The following DIP2C variants were observed in gnomAD, a reference collection of about 807,000 sequenced individuals.
DIP2C encodes the protein DIP2 acetate--CoA ligase C (putative).
Under a neutral mutation model 192.4 loss-of-function variants are expected in DIP2C, and 33 were observed. The ratio of observed to expected loss-of-function variants is 0.17; its 90% CI spans 0.13 to 0.23. The LOEUF (loss-of-function observed/expected upper bound fraction) is 0.23. Among genes scored for constraint, DIP2C ranks in the 10% least tolerant of loss-of-function variants. DIP2C has a pLI of 1.00. For synonymous variants in DIP2C, 979 were observed against 864.1 expected, an observed-to-expected ratio of 1.13 and a Z score of -2.33; for missense variants, 1,537 against 2,110.1, an observed-to-expected ratio of 0.73 and a Z score of 5.32.
intron 1 of DIP2C, among the ~76,000 whole-genome samples, chr10:607,439 T>C (rs1178325136): frequency 6.6e-6 from 1 of 152,110 alleles, no homozygotes; most frequent in Admixed American, 6.5e-5. Flanking sequence ...CACTTGATTT[T>C]TTTCATTGTA....
At chr10:357,722 A>T in intron 23 of DIP2C, 106 bp downstream of exon 23, 7 of 802,704 alleles carry the variant, frequency 8.7e-6, no homozygotes, top group Non-Finnish European at 1.0e-5. Flanking sequence ...GCGGACTGTC[A>T]GGGAAGGTAG....
intron 1 of DIP2C, among the ~76,000 whole-genome samples, chr10:549,660 G>GCC (rs530871936): frequency 6.6e-6 from 1 of 151,478 alleles, no homozygotes; most frequent in African/African-American, 2.4e-5. Flanking sequence ...AGAGCGGAGG[G>GCC]CCCCCCCCGA....
chr10:543,767 C>A (rs372346788), intron 1 of DIP2C, among the ~76,000 whole-genome samples: 26 of 152,334 alleles, frequency 1.7e-4, no homozygotes, highest in African/African-American at 5.8e-4. Context: ...CATTTACAAA[C>A]CATAAAATCC....
intron 1 of DIP2C, among the ~76,000 whole-genome samples, chr10:511,311 G>A (rs912517240): frequency 1.3e-5 from 2 of 152,218 alleles, no homozygotes; most frequent in African/African-American, 4.8e-5. Flanking sequence ...CTCTTCAGCT[G>A]CCACAGCACT....
chr10:420,616 A>G (rs919358679), intron 5 of DIP2C, among the ~76,000 whole-genome samples: 1 of 152,228 alleles, frequency 6.6e-6, no homozygotes, highest in African/African-American at 2.4e-5. Flanking sequence ...CGGGTAGAGC[A>G]GTGGAAAAAG....
At chr10:497,575 C>G (rs552851942) in intron 1 of DIP2C, among the ~76,000 whole-genome samples, 1 of 152,314 alleles carries the variant, frequency 6.6e-6, no homozygotes, top group African/African-American at 2.4e-5. Context: ...CTTCCAGACG[C>G]TCATACAAGG....
intron 1 of DIP2C, among the ~76,000 whole-genome samples, chr10:617,496 T>C (rs1853548183): frequency 6.6e-6 from 1 of 152,070 alleles, no homozygotes; most frequent in African/African-American, 2.4e-5. Context: ...TGGGAATCCT[T>C]CTATGCACCC....
intron 1 of DIP2C, among the ~76,000 whole-genome samples, chr10:580,706 G>A (rs915732242): frequency 3.9e-5 from 6 of 152,076 alleles, no homozygotes; most frequent in Non-Finnish European, 7.4e-5. Context: ...TATTAACGCT[G>A]CAGAAAGGCT....
intron 36 of DIP2C, 72 bp downstream of exon 36, chr10:281,128 T>G: frequency 6.3e-7 from 1 of 1,588,224 alleles, no homozygotes; most frequent in Non-Finnish European, 8.6e-7. Flanking sequence ...TCCACCGCCG[T>G]GCTCTCCACA....
chr10:564,585 TG>T (rs1481649790), intron 1 of DIP2C, among the ~76,000 whole-genome samples: 8 of 152,058 alleles, frequency 5.3e-5, no homozygotes, highest in Non-Finnish European at 2.9e-5. Context: ...GGTCTGCCGC[TG>T]GACTCTGTGG....
rs188784971 is a variant in DIP2C, at chr10:612,835, G to A, written c.85+76659C>T. 7.0e-4 allele frequency among the ~76,000 whole-genome samples: 107 copies of A among 152,294 alleles called. 1 individual carries two copies. Among genetic ancestry groups the A allele is most frequent in the African/African-American group, 2.4e-3 (100 of 41,566 alleles). ...TCCACAGAAGCAAGTATTCTCTTCC[G>A]GAAAGTCAAGAAGTGTCAGGTTCCC... is the stretch of plus-strand genomic sequence containing the variant. On this transcript the variant is annotated intron_variant, in intron 1 of 36. Coordinates refer to ENST00000280886, the MANE Select transcript of DIP2C (RefSeq NM_014974.3).
chr10:447,015 A>G (rs1004559260), intron 3 of DIP2C, among the ~76,000 whole-genome samples: 7 of 152,240 alleles, frequency 4.6e-5, no homozygotes, highest in Non-Finnish European at 1.0e-4. Flanking sequence ...TTCGGCATCT[A>G]TATGTCAAGA....
intron 9 of DIP2C, among the ~76,000 whole-genome samples, chr10:400,785 T>TGGTAGC (rs1211436705): frequency 6.6e-6 from 1 of 151,530 alleles, no homozygotes; most frequent in African/African-American, 2.4e-5. Context: ...TTTACACGTG[T>TGGTAGC]GGTAGCATTA....
chr10:279,204 C>T (rs1954680893), intron 36 of DIP2C, among the ~76,000 whole-genome samples: 1 of 152,202 alleles, frequency 6.6e-6, no homozygotes, highest in Non-Finnish European at 1.5e-5. Context: ...CGCTTAATTC[C>T]TGTCATACTG....
At chr10:486,842 C>T (rs1326325570) in intron 1 of DIP2C, among the ~76,000 whole-genome samples, 1 of 152,202 alleles carries the variant, frequency 6.6e-6, no homozygotes, top group Non-Finnish European at 1.5e-5. Context: ...GGAAGCCAAG[C>T]CTGGTGGCCG....
At chr10:586,842 C>T (rs1360668198) in intron 1 of DIP2C, among the ~76,000 whole-genome samples, 1 of 137,118 alleles carries the variant, frequency 7.3e-6, no homozygotes, top group South Asian at 2.1e-4. Context: ...TGCTGCCCCC[C>T]ACATTTTGTG....
chr10:441,202 C>T (rs1166629129), intron 3 of DIP2C: 7 of 592,420 alleles, frequency 1.2e-5, no homozygotes, highest in African/African-American at 1.9e-5. Context: ...ATTTTATTAC[C>T]ACAGAATCCA....
intron 32 of DIP2C, among the ~76,000 whole-genome samples, chr10:294,698 G>C (rs139689137): frequency 6.6e-6 from 1 of 151,902 alleles, no homozygotes; most frequent in African/African-American, 2.4e-5. Flanking sequence ...AAGTTTCCAT[G>C]ACATTCACTT....
At chr10:583,172 C>T (rs1481923012) in intron 1 of DIP2C, among the ~76,000 whole-genome samples, 1 of 152,202 alleles carries the variant, frequency 6.6e-6, no homozygotes, top group East Asian at 1.9e-4. Flanking sequence ...TAAATACACT[C>T]ATAGGAAAAA....
Sources: gnomAD v4.1 joint callset for allele counts (sites outside exome capture counted in the v4.1 genomes callset) on GRCh38, gnomAD v4.1.1 for gene constraint, MANE v1.5 for transcripts, NCBI Gene and HGNC (gene_info 2026-07-23, HGNC 2026-07-21) for gene names.